UTRN: variants seen among roughly 807,000 people sequenced by gnomAD.
UTRN encodes utrophin.
UTRN carries 283 observed loss-of-function variants against 463.9 expected under a neutral mutation model. The observed-to-expected ratio is 0.61, with a 90% CI of 0.55 to 0.67. The LOEUF (loss-of-function observed/expected upper bound fraction) is 0.67, where lower values mean the gene tolerates loss of function less well. Ranked by LOEUF, UTRN falls within the 30% of genes least tolerant of loss-of-function variation. The probability of loss-of-function intolerance (pLI) is 0.00; values close to 1 mark genes in which losing one functional copy is unlikely to be tolerated. For synonymous variants in UTRN, 1,442 were observed against 1,431.5 expected (o/e 1.01, Z -0.17); for missense variants, 3,922 against 4,084.3 (o/e 0.96, Z 1.08).
rs970786684 is a variant in UTRN, at chr6:144,447,752, G to A, written c.1873G>A (p.Val625Ile). ...ACTGACTCAAAGATGGGATTCTTTG[G>A]TTCAGAGACTAGAAGATTCCTCCAA... The part of the protein sequence containing the change: ...EELTQRWDSL[V>I]QRLEDSSNQV... The change falls in exon 16 of 75, where the codon GTT becomes ATT. Residue 625 changes from valine (V) to isoleucine (I), a missense_variant. Coordinates refer to ENST00000367545, the MANE Select transcript of UTRN (RefSeq NM_007124.3). The A allele has an allele frequency of 3.7e-6, 6 of 1,613,408 alleles. No individual in the cohort carries two copies. In the African/African-American group the frequency reaches 5.3e-5, roughly 14 times the overall value.
At chr6:144,331,189 AAAT>A (rs1174913309) in intron 2 of UTRN, among the ~76,000 whole-genome samples, 1 of 152,140 alleles carries the variant, frequency 6.6e-6, no homozygotes. Flanking sequence ...CGTTTTTTCT[AAAT>A]AATGTCATGA....
At chr6:144,743,668 T>G (rs907857359) in intron 54 of UTRN, among the ~76,000 whole-genome samples, 3 of 152,198 alleles carry the variant, frequency 2.0e-5, no homozygotes, top group African/African-American at 7.2e-5. Context: ...CAGCTTTGGT[T>G]TTTCACCTGC....
intron 51 of UTRN, among the ~76,000 whole-genome samples, chr6:144,643,913 A>G (rs1331213526): frequency 3.9e-5 from 6 of 152,310 alleles, no homozygotes; most frequent in African/African-American, 1.2e-4. Flanking sequence ...TACCTGCACA[A>G]TTGAGTTCAT....
chr6:144,358,108 C>T (rs957742470), intron 2 of UTRN, among the ~76,000 whole-genome samples: 1 of 152,218 alleles, frequency 6.6e-6, no homozygotes, highest in African/African-American at 2.4e-5. Flanking sequence ...AAGCATCTAT[C>T]TTATATGGAT....
intron 14 of UTRN, 58 bp downstream of exon 14, chr6:144,444,440 A>T: frequency 7.4e-7 from 1 of 1,347,322 alleles, no homozygotes; most frequent in Non-Finnish European, 1.0e-6. Context: ...CCCATCTTTT[A>T]TTGTGACTTT....
intron 51 of UTRN, among the ~76,000 whole-genome samples, chr6:144,677,268 C>T (rs1045683820): frequency 1.4e-4 from 22 of 152,230 alleles, no homozygotes; most frequent in African/African-American, 2.6e-4. Context: ...CCTTTCCTTT[C>T]GCCCTACCCC....
chr6:144,531,203 G>GT lies in UTRN; in HGVS notation c.6057+2dup, dbSNP rs1394442042. On this transcript the variant is annotated splice_donor_variant, in intron 42 of 74. Transcript: ENST00000367545. LOFTEE classifies it high-confidence loss of function. ...AGAGAAAGCCAGGATACATCAGCAG[G>GT]TGAGTGCTTTCTGTTAGAGGAGGGG... The GT allele has an allele frequency of 1.9e-6, 3 of 1,613,548 alleles. No individual in the cohort carries two copies.
chr6:144,542,429 G>A (rs551230697), intron 45 of UTRN, among the ~76,000 whole-genome samples: 1 of 152,230 alleles, frequency 6.6e-6, no homozygotes, highest in Admixed American at 6.5e-5. Flanking sequence ...AAGGATATTG[G>A]TATTTGATGG....
intron 51 of UTRN, among the ~76,000 whole-genome samples, chr6:144,594,167 G>A (rs1226866418): frequency 6.6e-6 from 1 of 152,200 alleles, no homozygotes; most frequent in Admixed American, 6.5e-5. Flanking sequence ...TAGAACATTA[G>A]AGTTTATGGA....
intron 66 of UTRN, among the ~76,000 whole-genome samples, chr6:144,823,465 T>A (rs1779772169): frequency 6.6e-6 from 1 of 152,190 alleles, no homozygotes; most frequent in Non-Finnish European, 1.5e-5. Flanking sequence ...ACCAGCGAAG[T>A]GGCAAATGTG....
At chr6:144,561,674 A>G (rs927158347) in intron 50 of UTRN, among the ~76,000 whole-genome samples, 3 of 152,108 alleles carry the variant, frequency 2.0e-5, no homozygotes, top group Non-Finnish European at 4.4e-5. Context: ...CTTCTGTGCT[A>G]ACCTATAGGA....
intron 3 of UTRN, among the ~76,000 whole-genome samples, chr6:144,415,117 C>T (rs890015046): frequency 1.3e-5 from 2 of 152,168 alleles, no homozygotes; most frequent in Non-Finnish European, 2.9e-5. Context: ...CAGTAGCATG[C>T]TCTATAGGTT....
chr6:144,797,727 T>G, intron 63 of UTRN, 97 bp from the exon 64 acceptor site: 1 of 1,296,240 alleles, frequency 7.7e-7, no homozygotes, highest in Non-Finnish European at 1.1e-6. Context: ...TAGTTTCCTC[T>G]TCTGCACAAA....
chr6:144,728,576 C>T (rs1211809489), intron 53 of UTRN, among the ~76,000 whole-genome samples: 2 of 151,852 alleles, frequency 1.3e-5, no homozygotes, highest in Non-Finnish European at 2.9e-5. Context: ...TCCCCGCCCC[C>T]ACCCACCAAC....
At chr6:144,498,401 A>G (rs750666692) in intron 33 of UTRN, among the ~76,000 whole-genome samples, 2 of 152,258 alleles carry the variant, frequency 1.3e-5, no homozygotes, top group Non-Finnish European at 2.9e-5. Flanking sequence ...TTTTCTGTCA[A>G]CAACAATGAG....
intron 58 of UTRN, among the ~76,000 whole-genome samples, chr6:144,768,901 G>T (rs1475740245): frequency 6.8e-6 from 1 of 146,198 alleles, no homozygotes; most frequent in Non-Finnish European, 1.5e-5. Flanking sequence ...ACTATTGTTT[G>T]CTTCATATGA....
chr6:144,474,941 G>C (rs1287377730), intron 25 of UTRN, among the ~76,000 whole-genome samples, 182 bp downstream of exon 25: 2 of 152,206 alleles, frequency 1.3e-5, no homozygotes, highest in Non-Finnish European at 2.9e-5. Context: ...AGAGGGTGCT[G>C]ATTGTCCAGT....
intron 33 of UTRN, among the ~76,000 whole-genome samples, chr6:144,496,193 G>A (rs1793627398): frequency 2.0e-5 from 3 of 152,198 alleles, no homozygotes; most frequent in Admixed American, 2.0e-4. Context: ...ACCCATGTTT[G>A]ATAGTATTTT....
intron 73 of UTRN, among the ~76,000 whole-genome samples, chr6:144,844,623 TC>T (rs1781870639): frequency 6.6e-6 from 1 of 152,184 alleles, no homozygotes; most frequent in African/African-American, 2.4e-5. Context: ...TGGGAAGGTT[TC>T]CTTGTAGCAT....
Sources: gnomAD v4.1 joint callset for allele counts (sites outside exome capture counted in the v4.1 genomes callset) on GRCh38, gnomAD v4.1.1 for gene constraint, MANE v1.5 for transcripts, NCBI Gene and HGNC (gene_info 2026-07-23, HGNC 2026-07-21) for gene names.